Variants in ZFR observed in about 807,000 individuals in gnomAD.
ZFR encodes zinc finger RNA binding protein.
ZFR carries 19 observed loss-of-function variants against 130.7 expected under a neutral mutation model. The observed-to-expected ratio is 0.15, with a 90% confidence interval of 0.10 to 0.21. The LOEUF (loss-of-function observed/expected upper bound fraction) is 0.21, where lower values mean the gene tolerates loss of function less well. Among genes scored for constraint, ZFR ranks in the 10% least tolerant of loss-of-function variants. The pLI is 1.00. For synonymous variants in ZFR, 466 were observed against 456.9 expected (o/e 1.02, Z -0.25); for missense variants, 872 against 1,321.5 (o/e 0.66, Z 5.27).
chr5:32,434,897 A>T (rs1754300889), intron 2 of ZFR, among the ~76,000 whole-genome samples: 2 of 152,164 alleles, frequency 1.3e-5, no homozygotes, highest in South Asian at 4.1e-4. Flanking sequence ...AATTAATTAA[A>T]ATGAAGTACT....
At chr5:32,411,719 G>T (rs1229745425) in intron 5 of ZFR, among the ~76,000 whole-genome samples, 1 of 110,566 alleles carries the variant, frequency 9.0e-6, no homozygotes, top group Admixed American at 9.4e-5. Context: ...AGGGGGGGCG[G>T]GGAATAGAAA....
intron 17 of ZFR, among the ~76,000 whole-genome samples, chr5:32,373,803 T>C (rs1160505403): frequency 1.3e-5 from 2 of 152,178 alleles, no homozygotes; most frequent in Admixed American, 1.3e-4. Context: ...ATGTATTTGT[T>C]GTTATATGTA....
chr5:32,419,698 T>G (rs932403336), intron 3 of ZFR, 123 bp downstream of exon 3: 281 of 1,447,664 alleles, frequency 1.9e-4, no homozygotes, highest in Non-Finnish European at 2.0e-5. Flanking sequence ...TTTACTTTTC[T>G]CTATCAGTAC....
chr5:32,356,579 ATT>A (rs952301838), intron 19 of ZFR, among the ~76,000 whole-genome samples: 3 of 144,468 alleles, frequency 2.1e-5, no homozygotes, highest in African/African-American at 7.6e-5. Context: ...CGCCTGGCTA[ATT>A]TTTTTTTTTT....
chr5:32,418,076 C>T (rs1311857696), intron 3 of ZFR, among the ~76,000 whole-genome samples: 6 of 151,926 alleles, frequency 3.9e-5, no homozygotes, highest in Non-Finnish European at 5.9e-5. Flanking sequence ...CTGGCTAACA[C>T]GGTGAGACCC....
intron 12 of ZFR, 145 bp downstream of exon 12, chr5:32,390,130 G>C: frequency 9.3e-7 from 1 of 1,078,898 alleles, no homozygotes; most frequent in East Asian, 2.5e-5. Flanking sequence ...ACTCCAGCCT[G>C]GGCGACAGAG....
intron 4 of ZFR, 121 bp downstream of exon 4, chr5:32,417,527 C>A (rs528857314): frequency 8.0e-7 from 1 of 1,256,558 alleles, no homozygotes; most frequent in East Asian, 2.4e-5. Context: ...AGGTCTAGAA[C>A]CTGCCTCCTA....
chr5:32,397,370 A>C, intron 9 of ZFR, 32 bp from the exon 10 acceptor site: 1 of 1,604,674 alleles, frequency 6.2e-7, no homozygotes, highest in Non-Finnish European at 8.5e-7. Context: ...AAGAATCATC[A>C]TAGTTGAAGA....
intron 2 of ZFR, among the ~76,000 whole-genome samples, chr5:32,420,803 G>A (rs1753938800): frequency 6.6e-6 from 1 of 152,192 alleles, no homozygotes; most frequent in Admixed American, 6.5e-5. Context: ...ATTATTTAAA[G>A]TATGTCAATA....
chr5:32,359,901 G>A (rs888871376), intron 19 of ZFR, among the ~76,000 whole-genome samples: 16 of 150,944 alleles, frequency 1.1e-4, no homozygotes, highest in Admixed American at 2.0e-4. Flanking sequence ...CTGAGATTGC[G>A]CCTTTGCACT....
rs1752491788 is a variant in ZFR at position 32,364,235 on chromosome 5, G to C, written c.2876C>G (p.Ser959Cys). The stretch of plus-strand genomic sequence containing the variant: ...TGCATCCCCAGGGCTCTGAGGGCTA[G>C]AAGCACTGCTGATTGCTTTCTCTAC... ...LLVEKAISSASSPQSPGDALR... is the reference protein window; with the variant it reads ...LLVEKAISSACSPQSPGDALR... Residue 959 changes from serine to cysteine, a missense_variant, in exon 18 of 20, where the codon TCT becomes TGT. Physicochemically the swap from Ser to Cys is moderately radical, Grantham distance 112 (BLOSUM62 -1). Coordinates refer to ENST00000265069, the MANE Select transcript of ZFR (RefSeq NM_016107.5). 8.1e-6 allele frequency: 13 copies of C among 1,611,394 alleles called. No individual in the cohort carries two copies. Among genetic ancestry groups the C allele is most frequent in the Non-Finnish European group, 1.1e-5 (13 of 1,178,056 alleles).
intron 2 of ZFR, among the ~76,000 whole-genome samples, chr5:32,440,300 A>G (rs1754439705): frequency 1.3e-5 from 2 of 152,220 alleles, no homozygotes; most frequent in Admixed American, 1.3e-4. Context: ...AAACGTACAC[A>G]TGTAAACACA....
intron 5 of ZFR, among the ~76,000 whole-genome samples, chr5:32,414,633 C>T (rs1753779072): frequency 6.6e-6 from 1 of 152,088 alleles, no homozygotes; most frequent in Admixed American, 6.5e-5. Flanking sequence ...GAGTATTAAC[C>T]TTGAGTTTTC....
intron 17 of ZFR, among the ~76,000 whole-genome samples, chr5:32,370,341 GAGAGAGAGAGAGACAGAC>G (rs1280403419): frequency 0.021 from 29 of 1,364 alleles, no homozygotes; most frequent in African/African-American, 0.097. Context: ...GAGAGAGAGA[GAGAGAGAGAGAGACAGAC>G]AGACAGACAG....
Position 32,390,232 on chromosome 5 carries a change from C to G in ZFR, c.2142+43G>C, listed in dbSNP as rs1753135043. ...AAATTGTTTTCTTCTAATGCTGAAC[C>G]AGTCAAACTTTCACCCCTTGTATCA... On this transcript the variant is annotated intron_variant, in intron 12 of 19. Transcript: ENST00000265069. 2.5e-6 allele frequency: 4 copies of G among 1,584,178 alleles called. No individual in the cohort carries two copies. The East Asian group carries it at 9.0e-5, about 36-fold the overall frequency.
rs143162702 is a variant in ZFR, at chr5:32,422,931, T to C, written c.138-2828A>G. 2.2e-3 allele frequency among the ~76,000 whole-genome samples: 326 copies of C among 150,724 alleles called. 3 individuals carry two copies. Among genetic ancestry groups the C allele is most frequent in the African/African-American group, 7.3e-3 (300 of 41,166 alleles). ...CAATTATTACAGAGTACACACACTC[T>C]ATATTCTTACTCAAGAAATGGCCAG... On this transcript the variant is annotated intron_variant, in intron 2 of 19. Transcript: ENST00000265069.
At chr5:32,376,760 G>T (rs892237653) in intron 17 of ZFR, among the ~76,000 whole-genome samples, 3 of 152,180 alleles carry the variant, frequency 2.0e-5, no homozygotes, top group Non-Finnish European at 4.4e-5. Flanking sequence ...GCCAAGGAGG[G>T]CAGATCACCC....
At chr5:32,359,137 T>C (rs1003875749) in intron 19 of ZFR, among the ~76,000 whole-genome samples, 1 of 151,854 alleles carries the variant, frequency 6.6e-6, no homozygotes, top group Admixed American at 6.6e-5. Flanking sequence ...TGGGCCCAGA[T>C]GGTGCCACTG....
intron 19 of ZFR, among the ~76,000 whole-genome samples, chr5:32,356,926 C>A (rs527922604): frequency 6.6e-6 from 1 of 152,324 alleles, no homozygotes; most frequent in South Asian, 2.1e-4. Flanking sequence ...CTGCTTCCCC[C>A]TTCTGGATAC....
Sources: allele counts gnomAD v4.1 joint callset (sites outside exome capture counted in the v4.1 genomes callset), GRCh38; gene constraint gnomAD v4.1.1; transcripts MANE v1.5; gene names NCBI Gene and HGNC (gene_info 2026-07-23, HGNC 2026-07-21).